Variants in SPATA13 observed in about 807,000 individuals in gnomAD.
SPATA13 encodes spermatogenesis associated 13.
In SPATA13, 50 loss-of-function variants were observed where a neutral mutation model predicts 104.0. That is an observed-to-expected ratio of 0.48 (90% confidence interval 0.38 to 0.61). The LOEUF (loss-of-function observed/expected upper bound fraction) is 0.61. Among genes scored for constraint, SPATA13 ranks in the 20% least tolerant of loss-of-function variants. SPATA13 has a pLI of 0.00. For synonymous variants in SPATA13, 606 were observed against 667.5 expected, an observed-to-expected ratio of 0.91 and a Z score of 1.42; for missense variants, 1,524 against 1,690.6, an observed-to-expected ratio of 0.90 and a Z score of 1.73.
chr13:24,173,834 C>T (rs1367880544), intron 1 of SPATA13, among the ~76,000 whole-genome samples: 1 of 152,044 alleles, frequency 6.6e-6, no homozygotes, highest in Admixed American at 6.6e-5. Context: ...CCCATTTGGT[C>T]GTATGAATAA....
intron 3 of SPATA13, among the ~76,000 whole-genome samples, chr13:24,117,310 G>A (rs750662999): frequency 5.9e-5 from 9 of 152,020 alleles, no homozygotes; most frequent in East Asian, 1.9e-4. Context: ...GGAATTAGCC[G>A]TCACTGATTG....
At chr13:24,065,577 T>C (rs1324567428) in intron 3 of SPATA13, among the ~76,000 whole-genome samples, 1 of 145,978 alleles carries the variant, frequency 6.9e-6, no homozygotes, top group Non-Finnish European at 1.5e-5. Flanking sequence ...TAACATGGAA[T>C]TGGATAACAA....
chr13:24,275,481 A>C (rs1874909628), intron 4 of SPATA13, among the ~76,000 whole-genome samples: 1 of 152,250 alleles, frequency 6.6e-6, no homozygotes, highest in African/African-American at 2.4e-5. Context: ...TTTGATGACC[A>C]AGGGTGTGCT....
intron 3 of SPATA13, among the ~76,000 whole-genome samples, chr13:24,019,188 A>C (rs868301550): frequency 1.1e-4 from 17 of 148,362 alleles, no homozygotes; most frequent in Admixed American, 3.4e-4. Context: ...TCCCGGGTTC[A>C]CGCCATTCTC....
intron 3 of SPATA13, among the ~76,000 whole-genome samples, chr13:24,027,133 CG>C (rs1287226579): frequency 2.2e-5 from 2 of 90,578 alleles, no homozygotes; most frequent in Non-Finnish European, 4.4e-5. Context: ...TTTGTTTAGC[CG>C]TTTTTTTTTT....
chr13:24,061,867 T>C (rs1188096231), intron 3 of SPATA13, among the ~76,000 whole-genome samples: 1 of 150,968 alleles, frequency 6.6e-6, no homozygotes, highest in East Asian at 1.9e-4. Context: ...AACATAAAAG[T>C]TTTTAAAAAA....
intron 1 of SPATA13, among the ~76,000 whole-genome samples, chr13:24,219,719 G>A (rs541695923): frequency 6.6e-6 from 1 of 152,188 alleles, no homozygotes; most frequent in East Asian, 1.9e-4. Context: ...ATTGCAGGGG[G>A]CTCAGGAAGG....
At chr13:24,081,283 A>C (rs992788284) in intron 3 of SPATA13, among the ~76,000 whole-genome samples, 3 of 152,176 alleles carry the variant, frequency 2.0e-5, no homozygotes, top group African/African-American at 7.2e-5. Context: ...TTAATCATAC[A>C]AAGTTCACCG....
intron 3 of SPATA13, among the ~76,000 whole-genome samples, chr13:24,125,299 A>T (rs1422937572): frequency 1.3e-5 from 2 of 152,150 alleles, no homozygotes; most frequent in Non-Finnish European, 2.9e-5. Flanking sequence ...GAGCCCCTTG[A>T]CTTAGAGTAG....
upstream of SPATA13, among the ~76,000 whole-genome samples, chr13:24,158,645 T>A (rs1368433114): frequency 6.6e-6 from 1 of 152,230 alleles, no homozygotes; most frequent in Admixed American, 6.5e-5. Flanking sequence ...CAAAAGGTTT[T>A]CACTGAAACC....
upstream of SPATA13, among the ~76,000 whole-genome samples, chr13:24,156,934 C>CTTGGTTG (rs1456187871): frequency 1.3e-5 from 2 of 152,160 alleles, no homozygotes; most frequent in African/African-American, 4.8e-5. Flanking sequence ...CCCCTGCCAC[C>CTTGGTTG]TTCACAACCA....
rs536335267 is a variant in SPATA13, at chr13:24,031,086, A to T, written c.-112+13385A>T. Among the ~76,000 whole-genome samples, 3 of 152,278 alleles carry T rather than the reference A, an allele frequency of 2.0e-5. No individual in the cohort carries two copies. In the South Asian group the frequency reaches 6.2e-4, roughly 32 times the overall value. On this transcript the variant is annotated intron_variant, in intron 3 of 14. Coordinates refer to the SPATA13 transcript ENST00000424834. ...TATCTTCTCCCATTCAAAGTAGCAA[A>T]TGGTTTTAAAGCTTATTTTAATTTA...
chr13:24,135,815 T>G (rs1243532200), intron 3 of SPATA13, among the ~76,000 whole-genome samples: 1 of 152,132 alleles, frequency 6.6e-6, no homozygotes, highest in Non-Finnish European at 1.5e-5. Context: ...GAAATGCCAG[T>G]GTATTTACTG....
chr13:24,117,865 A>G (rs1381462653), intron 3 of SPATA13, among the ~76,000 whole-genome samples: 1 of 152,218 alleles, frequency 6.6e-6, no homozygotes, highest in African/African-American at 2.4e-5. Flanking sequence ...TAGTACCAGT[A>G]ATGTATATCT....
chr13:24,153,110 T>C (rs1882152496), intron 3 of SPATA13, among the ~76,000 whole-genome samples: 1 of 152,266 alleles, frequency 6.6e-6, no homozygotes. Context: ...CCTCTGTGGA[T>C]GGTGTCTCTT....
chr13:24,077,151 C>A (rs149699293), intron 3 of SPATA13, among the ~76,000 whole-genome samples: 1 of 150,930 alleles, frequency 6.6e-6, no homozygotes, highest in Admixed American at 6.7e-5. Context: ...ATAGCTGTTT[C>A]TACCATGCAG....
At chr13:24,250,855 A>G (rs994263816) in intron 3 of SPATA13, among the ~76,000 whole-genome samples, 1 of 152,232 alleles carries the variant, frequency 6.6e-6, no homozygotes, top group African/African-American at 2.4e-5. Context: ...ACTCAGAACA[A>G]TAGTCCAGGA....
At chr13:24,254,719 C>T (rs957904024) in intron 4 of SPATA13, among the ~76,000 whole-genome samples, 4 of 152,176 alleles carry the variant, frequency 2.6e-5, no homozygotes, top group Admixed American at 1.3e-4. Context: ...TGCGGGGAAC[C>T]GTATCATCAG....
chr13:24,066,665 G>T (rs937456371), intron 3 of SPATA13, among the ~76,000 whole-genome samples: 8 of 152,254 alleles, frequency 5.3e-5, no homozygotes, highest in Non-Finnish European at 1.2e-4. Context: ...GGGCCAGGAG[G>T]GGTCTGTTTT....
Sources: allele counts gnomAD v4.1 joint callset (sites outside exome capture counted in the v4.1 genomes callset), GRCh38; gene constraint gnomAD v4.1.1; transcripts MANE v1.5; gene names NCBI Gene and HGNC (gene_info 2026-07-23, HGNC 2026-07-21).